The following SYNDIG1 variants were observed in gnomAD, a reference collection of about 807,000 sequenced individuals.
The protein encoded by SYNDIG1 is synapse differentiation inducing 1.
In SYNDIG1, 9 loss-of-function variants were observed where a neutral mutation model predicts 19.4. The ratio of observed to expected loss-of-function variants is 0.46; its 90% CI spans 0.28 to 0.81. The LOEUF (loss-of-function observed/expected upper bound fraction) is 0.81, where lower values mean the gene tolerates loss of function less well. Ranked by LOEUF, SYNDIG1 falls within the 30% of genes least tolerant of loss-of-function variation. The pLI, the probability that SYNDIG1 is intolerant of heterozygous loss-of-function variation, is 0.12. For missense variants in SYNDIG1, 311 were observed against 343.3 expected (o/e 0.91, Z 0.74); for synonymous variants, 141 against 145.9 (o/e 0.97, Z 0.24).
At chr20:24,603,774 C>T (rs528453787) in intron 3 of SYNDIG1, among the ~76,000 whole-genome samples, 1 of 152,198 alleles carries the variant, frequency 6.6e-6, no homozygotes, top group African/African-American at 2.4e-5. Context: ...GAAGAATTTT[C>T]TTCACAAGGA....
chr20:24,580,716 T>C (rs2058308629), intron 2 of SYNDIG1, among the ~76,000 whole-genome samples: 1 of 152,114 alleles, frequency 6.6e-6, no homozygotes. Context: ...CCCCTCAGTT[T>C]TTAAAATCTA....
intron 1 of SYNDIG1, among the ~76,000 whole-genome samples, chr20:24,492,120 C>T (rs1005492137): frequency 3.3e-5 from 5 of 152,160 alleles, no homozygotes; most frequent in Admixed American, 6.5e-5. Flanking sequence ...CATCTTGTCG[C>T]GTCCGTGTCC....
At chr20:24,567,941 C>T (rs1159306283) in intron 2 of SYNDIG1, among the ~76,000 whole-genome samples, 1 of 152,184 alleles carries the variant, frequency 6.6e-6, no homozygotes, top group African/African-American at 2.4e-5. Context: ...TGAGACCAAC[C>T]TGGCCAACAT....
chr20:24,474,513 G>A (rs1016703209), intron 1 of SYNDIG1, among the ~76,000 whole-genome samples: 8 of 152,188 alleles, frequency 5.3e-5, no homozygotes, highest in African/African-American at 1.2e-4. Context: ...CTGTTTAGTC[G>A]CATAAAAAGA....
At chr20:24,575,257 G>A (rs932879426) in intron 2 of SYNDIG1, among the ~76,000 whole-genome samples, 1 of 152,218 alleles carries the variant, frequency 6.6e-6, no homozygotes, top group Non-Finnish European at 1.5e-5. Flanking sequence ...TGTGCTAGGA[G>A]CTAAGACCTA....
chr20:24,495,701 A>G (rs2056283706), intron 1 of SYNDIG1: 1 of 152,208 alleles, frequency 6.6e-6, no homozygotes, highest in Non-Finnish European at 1.5e-5. Context: ...TCATGCACAA[A>G]ACGAGAGTAA....
chr20:24,626,261 T>C (rs6049821), intron 3 of SYNDIG1, among the ~76,000 whole-genome samples: 89,601 of 145,144 alleles, frequency 0.62, 27,061 homozygotes, highest in Admixed American at 0.68. Context: ...CGGGCGGAGA[T>C]GCTCCTCACT....
intron 3 of SYNDIG1, among the ~76,000 whole-genome samples, chr20:24,665,028 G>A (rs996354586): frequency 4.6e-5 from 7 of 152,290 alleles, no homozygotes; most frequent in East Asian, 3.9e-4. Flanking sequence ...CTCAGTACTC[G>A]TGCTGGAGAT....
intron 2 of SYNDIG1, among the ~76,000 whole-genome samples, chr20:24,560,090 T>TTC: frequency 7.9e-6 from 1 of 127,084 alleles, no homozygotes; most frequent in Non-Finnish European, 1.7e-5. Context: ...TTTTTTTTTT[T>TTC]TGCAGTCTCA....
chr20:24,484,779 G>A (rs986068457), intron 1 of SYNDIG1, among the ~76,000 whole-genome samples: 1 of 152,178 alleles, frequency 6.6e-6, no homozygotes, highest in Non-Finnish European at 1.5e-5. Context: ...AGATCTATTT[G>A]TTTAACATAT....
Position 24,509,891 on chromosome 20 carries a change from G to A in SYNDIG1, c.-78-33129G>A, listed in dbSNP as rs575201983. On this transcript the variant is annotated intron_variant, in intron 1 of 3. Coordinates refer to ENST00000376862, the MANE Select transcript of SYNDIG1 (RefSeq NM_024893.3). ...CCTTGTGGGAGGTGATTGGATTATG[G>A]GGGTGGTTTCTTCATGAACGGTTTA... is the stretch of plus-strand genomic sequence containing the variant. Among the ~76,000 whole-genome samples, 64 of 152,262 alleles carry A rather than the reference G, an allele frequency of 4.2e-4. No homozygotes were observed. In the South Asian group the frequency reaches 6.6e-3, roughly 16 times the overall value.
chr20:24,507,892 A>G (rs948979316), intron 1 of SYNDIG1, among the ~76,000 whole-genome samples: 1 of 152,120 alleles, frequency 6.6e-6, no homozygotes, highest in Non-Finnish European at 1.5e-5. Flanking sequence ...TGGGACAGCC[A>G]GGAGGTGCGC....
At chr20:24,482,941 A>G (rs1454983027) in intron 1 of SYNDIG1, among the ~76,000 whole-genome samples, 1 of 152,252 alleles carries the variant, frequency 6.6e-6, no homozygotes, top group Admixed American at 6.5e-5. Context: ...GAAGAGTAGA[A>G]TGGAAATAGG....
At chr20:24,621,865 G>A (rs536713448) in intron 3 of SYNDIG1, among the ~76,000 whole-genome samples, 28 of 148,934 alleles carry the variant, frequency 1.9e-4, no homozygotes, top group African/African-American at 6.7e-4. Flanking sequence ...GACATTAGAA[G>A]TTTCTGACAC....
Position 24,544,632 on chromosome 20 carries a change from G to A in SYNDIG1, c.480+1055G>A, listed in dbSNP as rs146466209. ...TGTGAGAGCTGGCCTCTCAGAAGAA[G>A]TCCACATGCTGGCCTGGGAGAGAAG... On this transcript the variant is annotated intron_variant, in intron 2 of 3. Coordinates refer to ENST00000376862, the MANE Select transcript of SYNDIG1 (RefSeq NM_024893.3). 3.9e-4 allele frequency among the ~76,000 whole-genome samples: 59 copies of A among 152,230 alleles called. No homozygotes were observed. The East Asian group carries it at 9.5e-3, about 24-fold the overall frequency.
At chr20:24,615,144 GAAC>G (rs1300182650) in intron 3 of SYNDIG1, among the ~76,000 whole-genome samples, 1 of 152,170 alleles carries the variant, frequency 6.6e-6, no homozygotes, top group Non-Finnish European at 1.5e-5. Flanking sequence ...GCTAATGTTT[GAAC>G]ATCGATGTAA....
At chr20:24,630,774 G>T (rs552040224) in intron 3 of SYNDIG1, among the ~76,000 whole-genome samples, 7 of 152,334 alleles carry the variant, frequency 4.6e-5, no homozygotes, top group African/African-American at 1.4e-4. Flanking sequence ...TGGGAACCCT[G>T]CCTCTCTGCC....
intron 3 of SYNDIG1, among the ~76,000 whole-genome samples, chr20:24,593,170 G>A (rs1486471711): frequency 1.3e-5 from 2 of 152,166 alleles, no homozygotes; most frequent in African/African-American, 4.8e-5. Flanking sequence ...CAGGTAATAA[G>A]CATAGTACCT....
intron 2 of SYNDIG1, among the ~76,000 whole-genome samples, chr20:24,547,850 G>A (rs112716357): frequency 0.012 from 1,866 of 152,296 alleles, 18 homozygotes; most frequent in Middle Eastern, 0.034. Context: ...AAATGAAGTG[G>A]ATGGAGTCCA....
Sources: gnomAD v4.1 joint callset for allele counts (sites outside exome capture counted in the v4.1 genomes callset) on GRCh38, gnomAD v4.1.1 for gene constraint, MANE v1.5 for transcripts, NCBI Gene and HGNC (gene_info 2026-07-23, HGNC 2026-07-21) for gene names.